The following SACS variants were observed in gnomAD, a reference collection of about 807,000 sequenced individuals.
SACS encodes sacsin.
Under a neutral mutation model 348.0 loss-of-function variants are expected in SACS, and 197 were observed. That is an observed-to-expected ratio of 0.57 (90% confidence interval 0.50 to 0.64). The LOEUF (loss-of-function observed/expected upper bound fraction) is 0.64, where lower values mean the gene tolerates loss of function less well. SACS is among the 30% of genes least tolerant of loss of function. The pLI is 0.00. For missense variants in SACS, 4,999 were observed against 5,360.8 expected, an observed-to-expected ratio of 0.93 and a Z score of 2.11; for synonymous variants, 1,985 against 1,910.6, an observed-to-expected ratio of 1.04 and a Z score of -1.02.
rs1293011559 is a variant in SACS at position 23,375,246 on chromosome 13, G to A, written c.44C>T (p.Pro15Leu). 3 of 1,480,596 alleles carry A rather than the reference G, an allele frequency of 2.0e-6. No individual in the cohort carries two copies. In the Admixed American group the frequency reaches 7.1e-5, roughly 35 times the overall value. The allele number at this position is 1,480,596 out of a possible 1,614,324, so 91.7% of individuals were successfully genotyped here. Residue 15 changes from proline (P) to leucine (L), a missense_variant, in exon 3 of 10, where the codon CCC becomes CTC. By Grantham distance (98) the Pro-to-Leu change is moderately conservative. Coordinates refer to ENST00000382292, the MANE Select transcript of SACS (RefSeq NM_014363.6). ...ENRWVPVTVL[P>L]GCVGCRTVAA... is the part of the protein sequence containing the mutation. The stretch of plus-strand genomic sequence containing the variant: ...GACGGTCCTGCAGCCCACGCAGCCG[G>A]GGAGCACGGTCACCGGGACCCACCT...
intron 1 of SACS, among the ~76,000 whole-genome samples, chr13:23,429,222 T>C (rs920367354): frequency 1.6e-4 from 24 of 152,180 alleles, no homozygotes; most frequent in Non-Finnish European, 3.1e-4. Context: ...TCTAATAATA[T>C]TGACTTTTTG....
intron 1 of SACS, chr13:23,426,907 A>G (rs1187573986): frequency 6.6e-6 from 1 of 152,292 alleles, no homozygotes; most frequent in East Asian, 1.9e-4. Flanking sequence ...GGGGCCTAAG[A>G]TATTTTCCTT....
chr13:23,402,342 A>C (rs1269562506), intron 2 of SACS, among the ~76,000 whole-genome samples: 1 of 152,208 alleles, frequency 6.6e-6, no homozygotes, highest in Non-Finnish European at 1.5e-5. Flanking sequence ...TGGATTTAAG[A>C]AATTCCTTTT....
intron 6 of SACS, among the ~76,000 whole-genome samples, chr13:23,363,832 T>C (rs954190794): frequency 6.6e-6 from 1 of 152,212 alleles, no homozygotes; most frequent in African/African-American, 2.4e-5. Context: ...GGGTCACAGC[T>C]GCCACTGAGT....
intron 9 of SACS, among the ~76,000 whole-genome samples, chr13:23,344,899 C>A (rs76791486): frequency 0.015 from 2,327 of 152,250 alleles, 31 homozygotes; most frequent in Non-Finnish European, 0.026. Flanking sequence ...TCAAAGACTG[C>A]ACTATTTTTT....
Position 23,333,206 on chromosome 13 carries a change from A to C in SACS, c.10670T>G (p.Phe3557Cys). The C allele has an allele frequency of 6.3e-7, 1 of 1,598,478 alleles. No homozygotes were observed. Among genetic ancestry groups the C allele is most frequent in the East Asian group, 2.2e-5 (1 of 44,748 alleles). ...VFEVMLPEKLFIPNDFFKKLE... is the reference protein window; with the variant it reads ...VFEVMLPEKLCIPNDFFKKLE... ...TTTCTTAAAGAAATCATTAGGAATA[A>C]ACAATTTTTCAGGAAGCATAACTTC... Residue 3557 changes from phenylalanine to cysteine, a missense_variant, in exon 10 of 10, where the codon TTT (phenylalanine) becomes TGT (cysteine). By Grantham distance (205) the Phe-to-Cys change is radical. Around this residue, in one of 6 missense-constraint regions of SACS, gnomAD observed 831 missense variants for 941.8 expected, o/e 0.88. Coordinates refer to ENST00000382292, the MANE Select transcript of SACS (RefSeq NM_014363.6).
At chr13:23,415,309 A>G (rs1370288202) in intron 1 of SACS, among the ~76,000 whole-genome samples, 1 of 152,210 alleles carries the variant, frequency 6.6e-6, no homozygotes, top group Non-Finnish European at 1.5e-5. Context: ...CTGGGAGTAC[A>G]GGTGTGAGCC....
Position 23,355,255 on chromosome 13 carries a change from C to A in SACS, c.1357G>T (p.Gly453Cys). 1 of 1,614,158 alleles carries A rather than the reference C, an allele frequency of 6.2e-7. No individual in the cohort carries two copies. Reference sequence around the variant, plus strand: ...GGGAGGCCTGTGCTGCTTTCCTCACCAGGTGGTAAAGGAAGGAAACAAAAT... The same window carrying A: ...GGGAGGCCTGTGCTGCTTTCCTCACAAGGTGGTAAAGGAAGGAAACAAAAT... ...KAFCFLPLPP[G>C]EESSTGLPVH... is the part of the protein sequence containing the mutation. Residue 453 changes from glycine to cysteine, a missense_variant, in exon 8 of 10, where the codon GGT becomes TGT. Physicochemically the swap from Gly to Cys is radical, Grantham distance 159 (BLOSUM62 -3). This residue lies in a region of SACS where 3,156 missense variants were observed against 3,380.1 expected (regional missense o/e 0.93). Coordinates refer to ENST00000382292, the MANE Select transcript of SACS (RefSeq NM_014363.6).
chr13:23,358,756 ACAAG>A (rs1870549460), intron 6 of SACS, among the ~76,000 whole-genome samples: 1 of 152,244 alleles, frequency 6.6e-6, no homozygotes, highest in African/African-American at 2.4e-5. Context: ...CATAAGGCAA[ACAAG>A]AAAATCAGTT....
chr13:23,426,457 A>G (rs1188560100), intron 1 of SACS, among the ~76,000 whole-genome samples: 1 of 152,142 alleles, frequency 6.6e-6, no homozygotes, highest in Non-Finnish European at 1.5e-5. Flanking sequence ...CCTGGCCAAC[A>G]TGGTGAAACC....
chr13:23,351,427 T>A (rs780173094), intron 9 of SACS, among the ~76,000 whole-genome samples: 6 of 152,076 alleles, frequency 3.9e-5, no homozygotes, highest in Non-Finnish European at 4.4e-5. Context: ...AGGGGTGGTG[T>A]TCTCGTGGTA....
intron 1 of SACS, among the ~76,000 whole-genome samples, chr13:23,417,881 C>T (rs1326902399): frequency 1.3e-5 from 2 of 151,804 alleles, no homozygotes; most frequent in African/African-American, 4.8e-5. Flanking sequence ...CCAACCTGGG[C>T]AACACAGCAA....
intron 2 of SACS, among the ~76,000 whole-genome samples, chr13:23,396,568 T>C (rs1362270176): frequency 6.6e-6 from 1 of 152,170 alleles, no homozygotes; most frequent in Non-Finnish European, 1.5e-5. Context: ...TTTTAAATTA[T>C]AAATTTAACC....
chr13:23,368,272 G>A (rs1871182546), intron 5 of SACS, 130 bp downstream of exon 5: 1 of 650,372 alleles, frequency 1.5e-6, no homozygotes, highest in African/African-American at 1.8e-5. Flanking sequence ...TGCAGCCACA[G>A]AGGTATAATA....
chr13:23,423,879 C>T (rs945455648), intron 1 of SACS, among the ~76,000 whole-genome samples: 3 of 152,108 alleles, frequency 2.0e-5, no homozygotes, highest in African/African-American at 7.2e-5. Flanking sequence ...AAACAAGTTA[C>T]AAGCACTCAT....
chr13:23,404,965 G>A (rs1430037495), intron 2 of SACS, among the ~76,000 whole-genome samples: 6 of 152,234 alleles, frequency 3.9e-5, no homozygotes, highest in Admixed American at 6.5e-5. Flanking sequence ...AATCAATATC[G>A]TGAAAATGGC....
chr13:23,431,382 G>A (rs993715239), intron 1 of SACS, among the ~76,000 whole-genome samples: 1 of 152,186 alleles, frequency 6.6e-6, no homozygotes, highest in South Asian at 2.1e-4. Context: ...GGGGTGAAAC[G>A]GCCTCTCCTA....
intron 1 of SACS, among the ~76,000 whole-genome samples, chr13:23,431,818 C>G (rs1460929776): frequency 6.6e-6 from 1 of 152,198 alleles, no homozygotes; most frequent in Non-Finnish European, 1.5e-5. Context: ...CTGATCAGGA[C>G]TCATTCAGAT....
intron 2 of SACS, among the ~76,000 whole-genome samples, chr13:23,399,529 A>T (rs749770208): frequency 6.6e-6 from 1 of 152,032 alleles, no homozygotes; most frequent in African/African-American, 2.4e-5. Flanking sequence ...CTAATTAGCC[A>T]TATTCAATTT....
Sources: allele counts gnomAD v4.1 joint callset (sites outside exome capture counted in the v4.1 genomes callset), GRCh38; gene constraint gnomAD v4.1.1; regional missense constraint gnomAD v4.1.1; transcripts MANE v1.5; gene names NCBI Gene and HGNC (gene_info 2026-07-23, HGNC 2026-07-21).